Variants in NDST4 observed in about 807,000 individuals in gnomAD.
The protein encoded by NDST4 is N-deacetylase and N-sulfotransferase 4.
A neutral mutation model predicts 100.8 loss-of-function variants in NDST4; 63 were observed. That is an observed-to-expected ratio of 0.62 (90% CI 0.51 to 0.77). NDST4 has a LOEUF of 0.77. Among genes scored for constraint, NDST4 ranks in the 30% least tolerant of loss-of-function variants. The pLI is 0.00. For missense variants in NDST4, 943 were observed against 1,018.4 expected (o/e 0.93, Z 1.01); for synonymous variants, 377 against 361.8 (o/e 1.04, Z -0.48).
At chr4:115,105,120 C>T (rs993284355) in intron 1 of NDST4, among the ~76,000 whole-genome samples, 2 of 152,136 alleles carry the variant, frequency 1.3e-5, no homozygotes, top group Non-Finnish European at 2.9e-5. Flanking sequence ...CCAAGGTTAA[C>T]ACCTGCCTTC....
At chr4:115,027,506 A>G (rs1728013255) in intron 2 of NDST4, among the ~76,000 whole-genome samples, 1 of 152,164 alleles carries the variant, frequency 6.6e-6, no homozygotes, top group Non-Finnish European at 1.5e-5. Context: ...GAAAGAGACT[A>G]GGGATTCACA....
chr4:115,026,281 G>T (rs182786413), intron 2 of NDST4, among the ~76,000 whole-genome samples: 2 of 152,120 alleles, frequency 1.3e-5, no homozygotes, highest in East Asian at 3.9e-4. Flanking sequence ...TATTTCTGTA[G>T]AAAAAATGTC....
chr4:115,023,814 G>T (rs1727916690), intron 2 of NDST4, among the ~76,000 whole-genome samples: 1 of 152,138 alleles, frequency 6.6e-6, no homozygotes, highest in Admixed American at 6.6e-5. Flanking sequence ...AACTTTGATG[G>T]TGCTACTTTT....
chr4:114,941,531 TA>T (rs1244202819), intron 4 of NDST4, among the ~76,000 whole-genome samples: 1 of 152,050 alleles, frequency 6.6e-6, no homozygotes, highest in Non-Finnish European at 1.5e-5. Context: ...CTTTTAGGAG[TA>T]CTCAAGACCA....
Position 115,077,208 on chromosome 4 carries a change from T to G in NDST4, c.-172A>C. 1 of 607,936 alleles carries G rather than the reference T, an allele frequency of 1.6e-6. No homozygotes were observed. The highest frequency in any genetic ancestry group is 2.8e-6 in the Non-Finnish European group (1 of 354,718). The allele number at this position is 607,936 out of a possible 1,614,324, so 37.7% of individuals were successfully genotyped here. A position where few individuals can be genotyped will look rare whatever the true frequency, so the allele number is the denominator to read the frequency against. On this transcript the variant is annotated 5_prime_UTR_variant, in exon 2 of 14. Transcript: ENST00000264363. ...TGAGTTAAAGCTGGAAGGCAATAGA[T>G]GGGAAGGATATACGTTGAGGAGATT...
At position 114,977,059 on chromosome 4, in the gene NDST4, T is replaced by C. The variant is rs148468602; in HGVS notation, c.1066+128A>G. 5,507 of 634,354 alleles carry C rather than the reference T, an allele frequency of 8.7e-3. 71 individuals carry two copies. Among genetic ancestry groups the C allele is most frequent in the Middle Eastern group, 0.03 (102 of 3,454 alleles). 39.3% of individuals were successfully genotyped at this position (634,354 alleles called of 1,614,324 possible). A position where few individuals can be genotyped will look rare whatever the true frequency, so the allele number is the denominator to read the frequency against. On this transcript the variant is annotated intron_variant, in intron 3 of 13. Coordinates refer to ENST00000264363, the MANE Select transcript of NDST4 (RefSeq NM_022569.3). ...TATGCTCATTGATTTTGGATTTGGC[T>C]ACTCAAATAATGTGCCCAAGTTTTT...
rs1578400332 is a variant in NDST4, at chr4:114,937,361, T to C, written c.1364A>G (p.Lys455Arg). The change falls in exon 5 of 14, where the codon AAA becomes AGA. Residue 455 changes from lysine (K) to arginine (R), a missense_variant. This residue lies in a region of NDST4 where 526 missense variants were observed against 634.1 expected (regional missense o/e 0.83). Coordinates refer to ENST00000264363, the MANE Select transcript of NDST4 (RefSeq NM_022569.3). ...VTSTEEYPHL[K>R]PARYRKGFIH... ...GAAGCCCTTTCTGTACCGGGCAGGT[T>C]TCAGATGTGGATATTCTTCAGTGCT... 1 of 1,614,142 alleles carries C rather than the reference T, an allele frequency of 6.2e-7. No homozygotes were observed. The highest frequency in any genetic ancestry group is 2.2e-5 in the East Asian group (1 of 44,874).
intron 4 of NDST4, among the ~76,000 whole-genome samples, chr4:114,947,075 A>T (rs899832593): frequency 5.3e-5 from 8 of 152,084 alleles, no homozygotes; most frequent in African/African-American, 1.9e-4. Context: ...AAAGGTATAG[A>T]AGAGTAGGAT....
chr4:115,033,155 ATATTT>A (rs1175709539), intron 2 of NDST4, among the ~76,000 whole-genome samples: 30 of 27,598 alleles, frequency 1.1e-3, no homozygotes, highest in African/African-American at 3.5e-3. Context: ...ATATATATAT[ATATTT>A]TTTTTTTTTT....
At chr4:114,859,494 G>A (rs1026875363) in intron 7 of NDST4, among the ~76,000 whole-genome samples, 7 of 152,206 alleles carry the variant, frequency 4.6e-5, no homozygotes, top group South Asian at 2.1e-4. Flanking sequence ...AGCGTGTACA[G>A]AGTAGAGTGT....
At chr4:115,083,541 C>T (rs1008961954) in intron 1 of NDST4, among the ~76,000 whole-genome samples, 3 of 152,150 alleles carry the variant, frequency 2.0e-5, no homozygotes, top group African/African-American at 4.8e-5. Context: ...TGCACCAGTG[C>T]TTCTTTGGAG....
chr4:115,056,193 G>T (rs1322608775), intron 2 of NDST4, among the ~76,000 whole-genome samples: 1 of 151,854 alleles, frequency 6.6e-6, no homozygotes. Context: ...CTCTACAAAA[G>T]ATATAAACAT....
At chr4:115,111,931 T>C (rs1314657931) in intron 1 of NDST4, among the ~76,000 whole-genome samples, 1 of 152,000 alleles carries the variant, frequency 6.6e-6, no homozygotes, top group Non-Finnish European at 1.5e-5. Context: ...ATGTCAACAA[T>C]AGTAGGCTTA....
intron 2 of NDST4, among the ~76,000 whole-genome samples, chr4:115,003,463 T>G (rs1727341951): frequency 6.6e-6 from 1 of 152,186 alleles, no homozygotes; most frequent in Admixed American, 6.5e-5. Flanking sequence ...CTCCAGATTT[T>G]ATGTCGCCTT....
chr4:115,105,248 T>C (rs1188944918), intron 1 of NDST4, among the ~76,000 whole-genome samples: 2 of 152,174 alleles, frequency 1.3e-5, no homozygotes, highest in Non-Finnish European at 2.9e-5. Context: ...TAGAAGTTTA[T>C]GGAAAGCAAA....
intron 7 of NDST4, among the ~76,000 whole-genome samples, chr4:114,870,549 C>T (rs116557679): frequency 1.4e-3 from 207 of 152,136 alleles, no homozygotes; most frequent in African/African-American, 4.6e-3. Context: ...ACCAACCAAG[C>T]AACCAACCAA....
At chr4:115,028,339 G>T (rs1728034432) in intron 2 of NDST4, among the ~76,000 whole-genome samples, 1 of 152,084 alleles carries the variant, frequency 6.6e-6, no homozygotes, top group Non-Finnish European at 1.5e-5. Context: ...ACTTTGGACA[G>T]AAACTTCCAG....
At chr4:114,979,336 A>G (rs1044881902) in intron 2 of NDST4, among the ~76,000 whole-genome samples, 1 of 150,418 alleles carries the variant, frequency 6.6e-6, no homozygotes, top group African/African-American at 2.4e-5. Flanking sequence ...GTTTTCCTTT[A>G]GTCTATGCAC....
rs1723156275 is a variant in NDST4 at position 114,829,828 on chromosome 4, T to C, written c.2461A>G (p.Lys821Glu). The change falls in exon 13 of 14, where the codon AAA becomes GAA. Residue 821 changes from lysine to glutamate, a missense_variant. Lys to Glu is a moderately conservative substitution (Grantham distance 56). Around this residue, in one of 2 missense-constraint regions of NDST4, gnomAD observed 526 missense variants for 634.1 expected, o/e 0.83. Coordinates refer to ENST00000264363, the MANE Select transcript of NDST4 (RefSeq NM_022569.3). ...LEGGKTKCLG[K>E]SKGRKYPPMD... ...GGTGGATATTTTCGGCCTTTGCTTT[T>C]TCCAAGGCATTTTGTCTTTCCTCCT... The C allele has an allele frequency of 6.2e-7, 1 of 1,612,026 alleles. No homozygotes were observed. Among genetic ancestry groups the C allele is most frequent in the Non-Finnish European group, 8.5e-7 (1 of 1,179,468 alleles).
Sources: gnomAD v4.1 joint callset for allele counts (sites outside exome capture counted in the v4.1 genomes callset) on GRCh38, gnomAD v4.1.1 for gene constraint, gnomAD v4.1.1 regional missense constraint, MANE v1.5 for transcripts, NCBI Gene and HGNC (gene_info 2026-07-23, HGNC 2026-07-21) for gene names.